SCN1A: variants seen among roughly 807,000 people sequenced by gnomAD.
SCN1A encodes sodium channel protein type 1 subunit alpha.
SCN1A carries 13 observed loss-of-function variants against 193.7 expected under a neutral mutation model. That is an observed-to-expected ratio of 0.07 (90% confidence interval 0.04 to 0.11). The LOEUF (loss-of-function observed/expected upper bound fraction) is 0.11, where lower values mean the gene tolerates loss of function less well. Among genes scored for constraint, SCN1A ranks in the 10% least tolerant of loss-of-function variants. The pLI, the probability that SCN1A is intolerant of heterozygous loss-of-function variation, is 1.00. For missense variants in SCN1A, 1,432 were observed against 2,451.1 expected (o/e 0.58, Z 8.78); for synonymous variants, 781 against 843.6 (o/e 0.93, Z 1.29).
intron 6 of SCN1A, among the ~76,000 whole-genome samples, chr2:166,055,454 T>C (rs1268252578): frequency 6.6e-6 from 1 of 151,982 alleles, no homozygotes; most frequent in Non-Finnish European, 1.5e-5. Flanking sequence ...TAGAATTTTT[T>C]TGTATATAAA....
At chr2:166,015,770 G>T in intron 19 of SCN1A, 43 bp from the exon 20 acceptor site, 3 of 1,609,778 alleles carry the variant, frequency 1.9e-6, no homozygotes, top group Non-Finnish European at 2.5e-6. Flanking sequence ...CTTTAATTTT[G>T]GTAATAAGTT....
chr2:166,148,473 G>A (rs1262690239), intron 1 of SCN1A, among the ~76,000 whole-genome samples: 1 of 152,190 alleles, frequency 6.6e-6, no homozygotes, highest in African/African-American at 2.4e-5. Flanking sequence ...ACACAGCACA[G>A]TTTGAGCCAA....
In SCN1A at chr2:166,022,712, C is replaced by T. The variant is rs116195753; in HGVS notation, c.3430-6985G>A. On this transcript the variant is annotated intron_variant, in intron 19 of 28. Coordinates refer to ENST00000674923, the MANE Select transcript of SCN1A (RefSeq NM_001165963.4). ...TGTCACTCTGGTGATCATGTCACAC[C>T]GAATCATTTTAGAAAAGTTACAATG... 5.7e-3 allele frequency among the ~76,000 whole-genome samples: 862 copies of T among 152,160 alleles called. 9 individuals are homozygous for T. Among genetic ancestry groups the T allele is most frequent in the African/African-American group, 0.02 (835 of 41,502 alleles).
chr2:166,097,360 T>G (rs1687506104), intron 2 of SCN1A, among the ~76,000 whole-genome samples: 3 of 152,188 alleles, frequency 2.0e-5, no homozygotes. Context: ...TTCACCTTCC[T>G]TCCTAGAAGG....
At chr2:166,037,216 C>T (rs1696499594) in intron 18 of SCN1A, among the ~76,000 whole-genome samples, 1 of 152,126 alleles carries the variant, frequency 6.6e-6, no homozygotes, top group African/African-American at 2.4e-5. Flanking sequence ...CATCATTAGC[C>T]ATTCGAGAAC....
upstream of SCN1A, among the ~76,000 whole-genome samples, chr2:166,131,179 T>C (rs930301280): frequency 6.6e-6 from 1 of 152,178 alleles, no homozygotes; most frequent in African/African-American, 2.4e-5. Flanking sequence ...TTGGTAAAGT[T>C]AGCCATTCCA....
At chr2:165,998,327 T>A (rs1283418346) in intron 25 of SCN1A, 152 bp from the exon 26 acceptor site, 4 of 600,008 alleles carry the variant, frequency 6.7e-6, no homozygotes, top group Admixed American at 3.1e-5. Flanking sequence ...AAAACATCCC[T>A]GAAATTGGCC....
intron 16 of SCN1A, among the ~76,000 whole-genome samples, chr2:166,040,371 T>A (rs189013600): frequency 1.1e-4 from 17 of 152,326 alleles, no homozygotes; most frequent in Admixed American, 5.2e-4. Flanking sequence ...AGTTATACAT[T>A]CTTATCTATT....
Position 165,986,445 on chromosome 2 carries a change from C to A in SCN1A, c.*4800G>T, listed in dbSNP as rs1319638573. The A allele has an allele frequency of 6.6e-6, 1 of 151,982 alleles. No homozygotes were observed. Among genetic ancestry groups the A allele is most frequent in the African/African-American group, 2.4e-5 (1 of 41,382 alleles). 9.4% of individuals were successfully genotyped at this position (151,982 alleles called of 1,614,324 possible). A position where few individuals can be genotyped will look rare whatever the true frequency, so the allele number is the denominator to read the frequency against. ...AAATACTGGGGTCTTAACCACTATG[C>A]CGCAGATCTTTTCTAAAATATTCTT... On this transcript the variant is annotated 3_prime_UTR_variant, in exon 29 of 29. Coordinates refer to ENST00000674923, the MANE Select transcript of SCN1A (RefSeq NM_001165963.4).
chr2:166,146,950 TTAAC>T (rs1425376320), intron 1 of SCN1A, among the ~76,000 whole-genome samples: 1 of 152,240 alleles, frequency 6.6e-6, no homozygotes, highest in Non-Finnish European at 1.5e-5. Flanking sequence ...CAATATGTAT[TTAAC>T]TATATACAGT....
intron 19 of SCN1A, among the ~76,000 whole-genome samples, chr2:166,017,057 CT>C (rs1165386746): frequency 6.7e-6 from 1 of 150,276 alleles, no homozygotes; most frequent in Admixed American, 6.7e-5. Context: ...AATAGAAAAA[CT>C]TACCTGACAG....
chr2:166,080,395 A>G (rs1025329158), intron 2 of SCN1A, among the ~76,000 whole-genome samples: 3 of 151,874 alleles, frequency 2.0e-5, no homozygotes, highest in African/African-American at 7.2e-5. Flanking sequence ...TTTCAAGATG[A>G]TTATGGTTAT....
intron 1 of SCN1A, among the ~76,000 whole-genome samples, chr2:166,137,220 T>G (rs1407203026): frequency 6.6e-6 from 1 of 152,204 alleles, no homozygotes; most frequent in Non-Finnish European, 1.5e-5. Context: ...TAAAAACATC[T>G]CTTTTTCTTT....
intron 2 of SCN1A, among the ~76,000 whole-genome samples, chr2:166,105,063 T>G (rs918620231): frequency 6.6e-6 from 1 of 152,204 alleles, no homozygotes; most frequent in African/African-American, 2.4e-5. Flanking sequence ...CTCCTTAGGA[T>G]TTTTGCTATA....
intron 2 of SCN1A, among the ~76,000 whole-genome samples, chr2:166,094,770 A>G (rs1305536269): frequency 2.6e-5 from 3 of 116,496 alleles, no homozygotes; most frequent in East Asian, 2.4e-4. Context: ...TTAAACTTCA[A>G]CGATGCTCAG....
chr2:166,112,162 A>G (rs774555645), intron 2 of SCN1A, among the ~76,000 whole-genome samples: 4 of 152,172 alleles, frequency 2.6e-5, no homozygotes, highest in Non-Finnish European at 5.9e-5. Flanking sequence ...CTACAGAGGA[A>G]TCTTTTGTGA....
At chr2:166,086,732 G>A (rs80304563) in intron 2 of SCN1A, among the ~76,000 whole-genome samples, 18,254 of 152,016 alleles carry the variant, frequency 0.12, 1,283 homozygotes, top group Middle Eastern at 0.23. Flanking sequence ...TCATATAAAC[G>A]TCTACTTAAG....
intron 16 of SCN1A, among the ~76,000 whole-genome samples, 181 bp downstream of exon 16, chr2:166,041,050 A>C (rs190972273): frequency 5.9e-5 from 9 of 152,348 alleles, no homozygotes; most frequent in African/African-American, 2.2e-4. Flanking sequence ...TTTTGTGAGC[A>C]CATTAAGGGT....
At chr2:166,034,449 G>A (rs1696066232) in intron 19 of SCN1A, among the ~76,000 whole-genome samples, 1 of 152,100 alleles carries the variant, frequency 6.6e-6, no homozygotes, top group Non-Finnish European at 1.5e-5. Context: ...ATATCTAATA[G>A]AATTGTATCT....
Sources: gnomAD v4.1 joint callset for allele counts (sites outside exome capture counted in the v4.1 genomes callset) on GRCh38, gnomAD v4.1.1 for gene constraint, MANE v1.5 for transcripts, NCBI Gene and HGNC (gene_info 2026-07-23, HGNC 2026-07-21) for gene names.